Variants in NBEA observed in about 807,000 individuals in gnomAD.
NBEA encodes lysosomal-trafficking regulator 2.
NBEA carries 44 observed loss-of-function variants against 343.4 expected under a neutral mutation model. The ratio of observed to expected loss-of-function variants is 0.13; its 90% confidence interval spans 0.10 to 0.16. The LOEUF (loss-of-function observed/expected upper bound fraction) is 0.16, where lower values mean the gene tolerates loss of function less well. NBEA is among the 10% of genes least tolerant of loss of function. The pLI is 1.00. For missense variants in NBEA, 2,555 were observed against 3,631.3 expected (o/e 0.70, Z 7.62); for synonymous variants, 1,175 against 1,238.7 (o/e 0.95, Z 1.08).
At chr13:35,006,930 T>G (rs1566153383) in intron 1 of NBEA, among the ~76,000 whole-genome samples, 2 of 152,210 alleles carry the variant, frequency 1.3e-5, no homozygotes, top group Non-Finnish European at 2.9e-5. Context: ...TTTTTGTATT[T>G]GTGGTAGAGG....
At chr13:35,214,144 C>A (rs554193523) in intron 33 of NBEA, among the ~76,000 whole-genome samples, 1 of 151,938 alleles carries the variant, frequency 6.6e-6, no homozygotes, top group Non-Finnish European at 1.5e-5. Context: ...CTCTTCTTTT[C>A]ACCTGTTGAT....
At chr13:34,963,104 G>C (rs1357333829) in intron 1 of NBEA, among the ~76,000 whole-genome samples, 2 of 151,974 alleles carry the variant, frequency 1.3e-5, no homozygotes, top group Non-Finnish European at 2.9e-5. Context: ...TGATCTCTTT[G>C]GTTATATTAA....
chr13:35,403,447 G>A (rs796944768), intron 38 of NBEA, among the ~76,000 whole-genome samples: 19 of 151,786 alleles, frequency 1.3e-4, no homozygotes, highest in Admixed American at 9.9e-4. Flanking sequence ...CAGAAATAAC[G>A]CCGCATGTCT....
chr13:35,505,391 C>T (rs17052291), intron 41 of NBEA, among the ~76,000 whole-genome samples: 2,758 of 152,240 alleles, frequency 0.018, 81 homozygotes, highest in African/African-American at 0.061. Flanking sequence ...CCATGGCGAC[C>T]TATTCCGGAG....
intron 55 of NBEA, among the ~76,000 whole-genome samples, chr13:35,661,106 A>G (rs2085070934): frequency 6.6e-6 from 1 of 152,058 alleles, no homozygotes; most frequent in South Asian, 2.1e-4. Flanking sequence ...CTTTCCTTTT[A>G]TGGGACTAAG....
At position 35,198,662 on chromosome 13, in the gene NBEA, A is replaced by T. The variant is rs989936261; in HGVS notation, c.5366+2360A>T. Among the ~76,000 whole-genome samples, 6 of 152,224 alleles carry T rather than the reference A, an allele frequency of 3.9e-5. No homozygotes were observed. In the East Asian group the frequency reaches 1.2e-3, roughly 30 times the overall value. The stretch of plus-strand genomic sequence containing the variant: ...CAAATGAAATGGAAGAGCACAAAGC[A>T]TATTTCAGTTCTTTTTAGGAAAAGA... On this transcript the variant is annotated intron_variant, in intron 31 of 58. Coordinates refer to ENST00000379939, the MANE Select transcript of NBEA (RefSeq NM_001385012.1).
chr13:35,083,751 C>T (rs1474623248), intron 10 of NBEA, among the ~76,000 whole-genome samples: 2 of 152,018 alleles, frequency 1.3e-5, no homozygotes, highest in Non-Finnish European at 2.9e-5. Flanking sequence ...CAAATTGATA[C>T]ATAACAATAT....
intron 49 of NBEA, among the ~76,000 whole-genome samples, chr13:35,636,663 A>C (rs2083704929): frequency 6.6e-6 from 1 of 152,134 alleles, no homozygotes; most frequent in Non-Finnish European, 1.5e-5. Flanking sequence ...GCCAGCATAG[A>C]GTTTAGTTTA....
intron 18 of NBEA, among the ~76,000 whole-genome samples, chr13:35,155,132 TAAAAA>T (rs753159286): frequency 1.6e-5 from 1 of 61,864 alleles, no homozygotes; most frequent in Non-Finnish European, 2.9e-5. Context: ...ATTCTGTCTC[TAAAAA>T]AAAAAAAAAA....
intron 1 of NBEA, among the ~76,000 whole-genome samples, chr13:35,003,100 A>G (rs150701132): frequency 1.3e-5 from 2 of 152,360 alleles, no homozygotes; most frequent in African/African-American, 4.8e-5. Context: ...AAAATTATGC[A>G]TAGAAAAACT....
rs200167940 is a variant in NBEA, at chr13:35,161,763, G to A, written c.3875G>A (p.Arg1292Gln). 185 of 1,610,024 alleles carry A rather than the reference G, an allele frequency of 1.1e-4. No individual in the cohort carries two copies. The highest frequency in any genetic ancestry group is 1.3e-4 in the Non-Finnish European group (149 of 1,178,334). Residue 1292 changes from arginine (R) to glutamine (Q), a missense_variant, in exon 23 of 59, where the codon CGG becomes CAG. By Grantham distance (43) the Arg-to-Gln change is conservative. This residue lies in a region of NBEA where 367 missense variants were observed against 377.5 expected (regional missense o/e 0.97). Coordinates refer to ENST00000379939, the MANE Select transcript of NBEA (RefSeq NM_001385012.1). ...TTCCTTCTTTAGGCTGTGCAGGGTC[G>A]GTCTATCACCCAACAAGACCGAGAT... The part of the protein sequence containing the change: ...TTTTTQAVQG[R>Q]SITQQDRDLR...
intron 48 of NBEA, among the ~76,000 whole-genome samples, chr13:35,613,527 C>G (rs552565975): frequency 6.6e-6 from 1 of 152,200 alleles, no homozygotes; most frequent in Admixed American, 6.5e-5. Context: ...GCAAATATCC[C>G]TTTAGCATAC....
At chr13:35,025,282 TTTC>T (rs1186097115) in intron 1 of NBEA, among the ~76,000 whole-genome samples, 1 of 152,176 alleles carries the variant, frequency 6.6e-6, no homozygotes, top group East Asian at 1.9e-4. Flanking sequence ...TTCTTAGATT[TTTC>T]TTCTAGGGCT....
At chr13:35,280,311 C>T (rs1341075085) in intron 34 of NBEA, among the ~76,000 whole-genome samples, 1 of 152,094 alleles carries the variant, frequency 6.6e-6, no homozygotes, top group Non-Finnish European at 1.5e-5. Flanking sequence ...TGAGGCTCTA[C>T]ATCCTCTCAT....
intron 38 of NBEA, among the ~76,000 whole-genome samples, chr13:35,430,390 T>C (rs1212614113): frequency 6.6e-6 from 1 of 152,198 alleles, no homozygotes; most frequent in Admixed American, 6.5e-5. Flanking sequence ...TTTTATGGGT[T>C]GTCTGTTTAC....
chr13:35,173,641 A>G (rs1442289228), intron 27 of NBEA, 47 bp downstream of exon 27: 6 of 1,564,110 alleles, frequency 3.8e-6, no homozygotes, highest in African/African-American at 1.4e-5. Flanking sequence ...CCTGAAAAAA[A>G]TCTTTTTTAA....
At chr13:35,053,781 T>C (rs1278715403) in intron 6 of NBEA, among the ~76,000 whole-genome samples, 7 of 152,182 alleles carry the variant, frequency 4.6e-5, no homozygotes, top group Admixed American at 1.3e-4. Flanking sequence ...TGGTATGTTA[T>C]GTATGGGTGC....
chr13:35,240,083 A>G (rs1312139940), intron 34 of NBEA, among the ~76,000 whole-genome samples: 2 of 151,604 alleles, frequency 1.3e-5, no homozygotes, highest in Non-Finnish European at 3.0e-5. Context: ...ACCAACCAAT[A>G]ATAACTGCAA....
intron 41 of NBEA, among the ~76,000 whole-genome samples, chr13:35,503,973 T>A (rs1275950852): frequency 6.6e-6 from 1 of 152,178 alleles, no homozygotes; most frequent in East Asian, 1.9e-4. Context: ...AATACATGAT[T>A]TGAAGTGTGC....
Sources: allele counts gnomAD v4.1 joint callset (sites outside exome capture counted in the v4.1 genomes callset), GRCh38; gene constraint gnomAD v4.1.1; regional missense constraint gnomAD v4.1.1; transcripts MANE v1.5; gene names NCBI Gene and HGNC (gene_info 2026-07-23, HGNC 2026-07-21).